Variants in ADAM2 observed in about 807,000 individuals in gnomAD.
The protein encoded by ADAM2 is disintegrin and metalloproteinase domain-containing protein 2.
In ADAM2, 101 loss-of-function variants were observed where a neutral mutation model predicts 99.3. That is an observed-to-expected ratio of 1.02 (90% CI 0.87 to 1.20). The LOEUF (loss-of-function observed/expected upper bound fraction) is 1.20. Among genes scored for constraint, ADAM2 ranks in the 50% most tolerant of loss-of-function variants. The pLI is 0.00. For missense variants in ADAM2, 948 were observed against 878.7 expected, an observed-to-expected ratio of 1.08 and a Z score of -1.00; for synonymous variants, 323 against 287.6, an observed-to-expected ratio of 1.12 and a Z score of -1.25.
At chr8:39,790,358 A>G (rs1314012256) in intron 7 of ADAM2, among the ~76,000 whole-genome samples, 1 of 152,004 alleles carries the variant, frequency 6.6e-6, no homozygotes, top group Non-Finnish European at 1.5e-5. Context: ...GAAACGCAGT[A>G]CTAATCCATG....
chr8:39,802,196 C>G (rs1804244338), intron 7 of ADAM2, among the ~76,000 whole-genome samples: 1 of 152,194 alleles, frequency 6.6e-6, no homozygotes. Flanking sequence ...GTTGTGTGCT[C>G]ACTCACTGCC....
intron 2 of ADAM2, 30 bp from the exon 3 acceptor site, chr8:39,834,029 G>C: frequency 7.7e-7 from 1 of 1,301,794 alleles, no homozygotes; most frequent in Non-Finnish European, 1.1e-6. Context: ...AAAATACAAA[G>C]AAAATGAAAA....
At chr8:39,760,687 C>G (rs1033270868) in intron 15 of ADAM2, among the ~76,000 whole-genome samples, 5 of 151,582 alleles carry the variant, frequency 3.3e-5, no homozygotes, top group Non-Finnish European at 7.4e-5. Context: ...TGCCACGGCA[C>G]TCCAGCCTGG....
At chr8:39,753,604 G>T (rs147228882) in intron 16 of ADAM2, among the ~76,000 whole-genome samples, 63 of 152,272 alleles carry the variant, frequency 4.1e-4, no homozygotes, top group African/African-American at 1.4e-3. Context: ...GGGAAAAATG[G>T]TTTCCTGGGC....
At chr8:39,809,551 T>C in intron 6 of ADAM2, 85 bp from the exon 7 acceptor site, 1 of 621,724 alleles carries the variant, frequency 1.6e-6, no homozygotes, top group Non-Finnish European at 2.9e-6. Flanking sequence ...ATGAACTAAA[T>C]ATTGAAAAAC....
intron 16 of ADAM2, among the ~76,000 whole-genome samples, chr8:39,751,649 A>G (rs1281138728): frequency 6.6e-6 from 1 of 152,208 alleles, no homozygotes; most frequent in Non-Finnish European, 1.5e-5. Context: ...ATATAGCAAT[A>G]GTAATATTAC....
chr8:39,812,819 G>A (rs866837877), intron 6 of ADAM2, among the ~76,000 whole-genome samples: 1 of 152,044 alleles, frequency 6.6e-6, no homozygotes, highest in African/African-American at 2.4e-5. Context: ...GAAAACCCTA[G>A]AAGAAAACCT....
chr8:39,836,617 A>G (rs965932712), intron 2 of ADAM2, among the ~76,000 whole-genome samples: 1 of 152,194 alleles, frequency 6.6e-6, no homozygotes, highest in Non-Finnish European at 1.5e-5. Context: ...AATGATAAGA[A>G]GATTTTAAAT....
At chr8:39,765,551 C>T (rs76507235) in intron 14 of ADAM2, among the ~76,000 whole-genome samples, 3,531 of 152,186 alleles carry the variant, frequency 0.023, 68 homozygotes, top group African/African-American at 0.058. Flanking sequence ...AGTAGAAAAT[C>T]GGAATACACC....
chr8:39,835,659 G>A (rs1178870456), intron 2 of ADAM2, among the ~76,000 whole-genome samples: 1 of 149,024 alleles, frequency 6.7e-6, no homozygotes, highest in East Asian at 1.9e-4. Flanking sequence ...CTCCAGCCTG[G>A]GCAACAAGCA....
At chr8:39,818,784 C>A (rs1805056098) in intron 6 of ADAM2, among the ~76,000 whole-genome samples, 1 of 151,896 alleles carries the variant, frequency 6.6e-6, no homozygotes, top group Non-Finnish European at 1.5e-5. Flanking sequence ...GAAATCCAAA[C>A]TGATATAAAA....
intron 7 of ADAM2, among the ~76,000 whole-genome samples, chr8:39,790,306 G>A (rs920554666): frequency 6.6e-6 from 1 of 151,878 alleles, no homozygotes; most frequent in South Asian, 2.1e-4. Flanking sequence ...CTAATGAATA[G>A]GTAATCAAAT....
At chr8:39,779,847 T>A (rs1563352433) in intron 10 of ADAM2, among the ~76,000 whole-genome samples, 1 of 152,154 alleles carries the variant, frequency 6.6e-6, no homozygotes, top group Non-Finnish European at 1.5e-5. Flanking sequence ...ATAAGTTTTT[T>A]TAGAAAAACA....
intron 11 of ADAM2, among the ~76,000 whole-genome samples, chr8:39,773,235 C>G (rs1802853537): frequency 6.6e-6 from 1 of 151,666 alleles, no homozygotes; most frequent in Non-Finnish European, 1.5e-5. Context: ...TTTCAACTAA[C>G]TGGAAATGAA....
Position 39,761,170 on chromosome 8 carries a change from A to G in ADAM2, c.1613+6T>C. The stretch of plus-strand genomic sequence containing the variant: ...GAAGTTCTAAGACAGATTTCTGAAA[A>G]CATACTCAGCTTCACACTGTGTGTA... On this transcript the variant is annotated splice_donor_region_variant and intron_variant, in intron 15 of 20. Transcript: ENST00000265708. The G allele has an allele frequency of 6.6e-7, 1 of 1,519,982 alleles. No individual in the cohort carries two copies. Among genetic ancestry groups the G allele is most frequent in the Non-Finnish European group, 8.9e-7 (1 of 1,125,616 alleles). 94.2% of individuals were successfully genotyped at this position (1,519,982 alleles called of 1,614,324 possible).
chr8:39,785,597 A>G (rs1392721556), intron 10 of ADAM2, among the ~76,000 whole-genome samples: 1 of 152,182 alleles, frequency 6.6e-6, no homozygotes, highest in Non-Finnish European at 1.5e-5. Flanking sequence ...GGAGTTCAAG[A>G]CCAGCCTGGC....
intron 1 of ADAM2, 151 bp downstream of exon 1, chr8:39,837,980 G>C: frequency 1.3e-6 from 1 of 797,190 alleles, no homozygotes; most frequent in South Asian, 1.7e-5. Context: ...TTTTGGGTGG[G>C]GAAGGCGGCA....
chr8:39,805,677 C>G (rs1435963170), intron 7 of ADAM2, among the ~76,000 whole-genome samples: 1 of 152,186 alleles, frequency 6.6e-6, no homozygotes, highest in Non-Finnish European at 1.5e-5. Flanking sequence ...TCTACCATAA[C>G]AGCTCAAGCC....
At chr8:39,754,639 TCTTA>T (rs1238673075) in intron 16 of ADAM2, among the ~76,000 whole-genome samples, 1 of 152,340 alleles carries the variant, frequency 6.6e-6, no homozygotes, top group Middle Eastern at 3.4e-3. Flanking sequence ...TTGTATACAC[TCTTA>T]CTTACTAATT....
Sources: gnomAD v4.1 joint callset for allele counts (sites outside exome capture counted in the v4.1 genomes callset) on GRCh38, gnomAD v4.1.1 for gene constraint, MANE v1.5 for transcripts, NCBI Gene and HGNC (gene_info 2026-07-23, HGNC 2026-07-21) for gene names.